The following PTCHD1 variants were observed in gnomAD, a reference collection of about 807,000 sequenced individuals.
The protein encoded by PTCHD1 is patched domain-containing protein 1.
PTCHD1 carries 3 observed loss-of-function variants against 34.6 expected under a neutral mutation model. The observed-to-expected ratio is 0.09, with a 90% CI of 0.04 to 0.22. The LOEUF (loss-of-function observed/expected upper bound fraction) is 0.22, where lower values mean the gene tolerates loss of function less well. Ranked by LOEUF, PTCHD1 falls within the 10% of genes least tolerant of loss-of-function variation. The probability of loss-of-function intolerance (pLI) is 1.00; values close to 1 mark genes in which losing one functional copy is unlikely to be tolerated. For synonymous variants in PTCHD1, 305 were observed against 283.1 expected, an observed-to-expected ratio of 1.08 and a Z score of -0.77; for missense variants, 504 against 685.5, an observed-to-expected ratio of 0.74 and a Z score of 2.96.
At position 23,402,322 on chromosome X, in the gene PTCHD1, T is replaced by A. The variant is rs190611803; in HGVS notation, c.*8137T>A. On this transcript the variant is annotated 3_prime_UTR_variant, in exon 3 of 3. Transcript: ENST00000379361. The stretch of plus-strand genomic sequence containing the variant: ...AACTCTCTGTCTCTCTCTCTCTCTC[T>A]CACACACACACACACAGAGTGGATG... 7.9e-4 allele frequency: 86 copies of A among 109,015 alleles called. No individual in the cohort carries two copies. The highest frequency in any genetic ancestry group is 1.6e-3 in the African/African-American group (48 of 30,023). The allele number at this position is 109,015 out of a possible 1,213,427, so 9.0% of individuals were successfully genotyped here. A position where few individuals can be genotyped will look rare whatever the true frequency, so the allele number is the denominator to read the frequency against.
chrX:23,346,896 T>A (rs951674215), intron 1 of PTCHD1, among the ~76,000 whole-genome samples: 4 of 112,240 alleles, frequency 3.6e-5, no homozygotes, highest in Non-Finnish European at 7.5e-5. Context: ...GTTTTGTGTT[T>A]GAGGCTGTGA....
At chrX:23,368,924 C>CGTGGTG in intron 1 of PTCHD1, among the ~76,000 whole-genome samples, 1 of 110,621 alleles carries the variant, frequency 9.0e-6, no homozygotes, top group East Asian at 2.8e-4. Context: ...ATTACCCAGA[C>CGTGGTG]GTGGTGGTGA....
intron 1 of PTCHD1, among the ~76,000 whole-genome samples, chrX:23,358,405 A>T (rs748490904): frequency 8.9e-6 from 1 of 112,235 alleles, no homozygotes; most frequent in Non-Finnish European, 1.9e-5. Flanking sequence ...TTGTCTGATG[A>T]CCAGTGATGA....
intron 1 of PTCHD1, among the ~76,000 whole-genome samples, chrX:23,336,907 T>C (rs1022085053): frequency 2.7e-5 from 3 of 111,625 alleles, no homozygotes; most frequent in East Asian, 2.8e-4. Flanking sequence ...CGTCTTTTGA[T>C]TGATGATCTA....
At chrX:23,366,371 A>T (rs111466811) in intron 1 of PTCHD1, among the ~76,000 whole-genome samples, 64 of 112,157 alleles carry the variant, frequency 5.7e-4, no homozygotes, top group African/African-American at 1.9e-3. Flanking sequence ...CTGTCTTCCA[A>T]GTTCAACTAA....
chrX:23,393,914 T>C lies in PTCHD1; in HGVS notation c.2396T>C (p.Leu799Ser), dbSNP rs761812605. ...NALEVHGVAI[L>S]QSYLCYIVGL... ...CTGGAAGTGCATGGGGTAGCTATTT[T>C]ACAGAGTTACCTCTGCTATATTGTT... Residue 799 changes from leucine (L) to serine (S), a missense_variant, in exon 3 of 3, where the codon TTA (leucine) becomes TCA (serine). Leu to Ser is a moderately radical substitution (Grantham distance 145, BLOSUM62 -2). Coordinates refer to ENST00000379361, the MANE Select transcript of PTCHD1 (RefSeq NM_173495.3). 2 of 1,211,216 alleles carry C rather than the reference T, an allele frequency of 1.7e-6. No individual in the cohort carries two copies. Among genetic ancestry groups the C allele is most frequent in the Non-Finnish European group, 1.1e-6 (1 of 895,078 alleles).
chrX:23,350,307 C>A (rs1921594645), intron 1 of PTCHD1, among the ~76,000 whole-genome samples: 1 of 110,828 alleles, frequency 9.0e-6, no homozygotes, highest in South Asian at 3.8e-4. Context: ...ATCTAATGTG[C>A]CTCAGAACAT....
rs971311071 is a variant in PTCHD1 at position 23,401,641 on chromosome X, C to T, written c.*7456C>T. 2.6e-5 allele frequency: 3 copies of T among 113,326 alleles called. No individual in the cohort carries two copies. The highest frequency in any genetic ancestry group is 9.6e-5 in the African/African-American group (3 of 31,194). The allele number at this position is 113,326 out of a possible 1,213,427, so 9.3% of individuals were successfully genotyped here. A position where few individuals can be genotyped will look rare whatever the true frequency, so the allele number is the denominator to read the frequency against. On this transcript the variant is annotated 3_prime_UTR_variant, in exon 3 of 3. Transcript: ENST00000379361. ...TATCACAGATGTGCATGCACACATACACATGCACACCACCTTTTACAATAT... is the reference window on the plus strand; with the variant it reads ...TATCACAGATGTGCATGCACACATATACATGCACACCACCTTTTACAATAT...
rs777160523 is a variant in PTCHD1, at chrX:23,399,473, C to T, written c.*5288C>T. The T allele has an allele frequency of 3.6e-5, 4 of 111,020 alleles. No individual in the cohort carries two copies. Among genetic ancestry groups the T allele is most frequent in the Non-Finnish European group, 7.5e-5 (4 of 52,988 alleles). 9.1% of individuals were successfully genotyped at this position (111,020 alleles called of 1,213,427 possible). On this transcript the variant is annotated 3_prime_UTR_variant, in exon 3 of 3. Transcript: ENST00000379361. ...TCAGATTCCAAAAGAGGTCTATGAC[C>T]GAAAAAGGGTGAAGAACCACTGTCC...
intron 1 of PTCHD1, among the ~76,000 whole-genome samples, chrX:23,363,683 A>T (rs767193308): frequency 8.9e-6 from 1 of 112,711 alleles, no homozygotes; most frequent in South Asian, 3.6e-4. Context: ...AGTCCCAGTG[A>T]GATGAACCAG....
At chrX:23,374,456 G>T (rs1922357457) in intron 1 of PTCHD1, among the ~76,000 whole-genome samples, 1 of 110,848 alleles carries the variant, frequency 9.0e-6, no homozygotes, top group South Asian at 3.9e-4. Context: ...AGGAAGATCT[G>T]AGTGTGCCAA....
intron 2 of PTCHD1, among the ~76,000 whole-genome samples, chrX:23,385,981 T>C (rs1425919007): frequency 9.0e-6 from 1 of 111,155 alleles, no homozygotes; most frequent in Non-Finnish European, 1.9e-5. Context: ...TATTATGTAA[T>C]ATATATTGCT....
intron 2 of PTCHD1, among the ~76,000 whole-genome samples, chrX:23,381,354 C>T (rs1330139314): frequency 8.9e-6 from 1 of 112,652 alleles, no homozygotes. Flanking sequence ...GCCAAGGATT[C>T]AAGAGGTTCA....
chrX:23,365,962 C>G (rs747209039), intron 1 of PTCHD1, among the ~76,000 whole-genome samples: 32 of 112,261 alleles, frequency 2.9e-4, no homozygotes, highest in African/African-American at 9.1e-4. Flanking sequence ...TCAGCTAAAT[C>G]TACATATCTA....
chrX:23,377,954 G>A (rs753335242), intron 1 of PTCHD1, among the ~76,000 whole-genome samples: 16 of 112,067 alleles, frequency 1.4e-4, no homozygotes. Flanking sequence ...TAACAACTCT[G>A]TGCATGTTAA....
chrX:23,365,008 C>T (rs770273242), intron 1 of PTCHD1, among the ~76,000 whole-genome samples: 11 of 112,171 alleles, frequency 9.8e-5, no homozygotes, highest in East Asian at 8.5e-4. Flanking sequence ...TGAAGAGTTA[C>T]GGTACATTCT....
In PTCHD1 at chrX:23,343,629, G is replaced by C. The variant is rs183590158; in HGVS notation, c.351+8403G>C. On this transcript the variant is annotated intron_variant, in intron 1 of 2. Transcript: ENST00000379361. ...CACTCTTCTTAAAAGTTAGCCCAGA[G>C]GAACAGAAAGTATTGTTCTAAGAGG... Among the ~76,000 whole-genome samples, 5 of 111,176 alleles carry C rather than the reference G, an allele frequency of 4.5e-5. No homozygotes were observed. The South Asian group carries it at 1.9e-3, about 42-fold the overall frequency.
intron 1 of PTCHD1, 86 bp downstream of exon 1, chrX:23,335,312 CCA>C: frequency 1.3e-6 from 1 of 783,715 alleles, no homozygotes; most frequent in Non-Finnish European, 1.9e-6. Context: ...GCTGAGAGCG[CCA>C]CCTCTCCTAG....
chrX:23,388,751 A>C (rs747747071), intron 2 of PTCHD1, among the ~76,000 whole-genome samples: 2 of 111,912 alleles, frequency 1.8e-5, no homozygotes, highest in Non-Finnish European at 3.8e-5. Flanking sequence ...GAATCGCTGG[A>C]ACCCGGGAGG....
Sources: gnomAD v4.1 joint callset for allele counts (sites outside exome capture counted in the v4.1 genomes callset) on GRCh38, gnomAD v4.1.1 for gene constraint, MANE v1.5 for transcripts, NCBI Gene and HGNC (gene_info 2026-07-23, HGNC 2026-07-21) for gene names.